MAP3K10: variants seen among roughly 807,000 people sequenced by gnomAD.
The protein encoded by MAP3K10 is mitogen-activated protein kinase kinase kinase 10.
A neutral mutation model predicts 75.0 loss-of-function variants in MAP3K10; 22 were observed. That is an observed-to-expected ratio of 0.29 (90% CI 0.21 to 0.42). MAP3K10 has a LOEUF of 0.42. Among genes scored for constraint, MAP3K10 ranks in the 10% least tolerant of loss-of-function variants. The pLI is 1.00. For synonymous variants in MAP3K10, 599 were observed against 612.9 expected, an observed-to-expected ratio of 0.98 and a Z score of 0.34; for missense variants, 1,165 against 1,379.8, an observed-to-expected ratio of 0.84 and a Z score of 2.47.
In MAP3K10 at chr19:40,198,432, C is replaced by T. The variant is rs1972954306; in HGVS notation, c.740C>T (p.Thr247Met). 6.2e-7 allele frequency: 1 copy of T among 1,614,130 alleles called. No individual in the cohort carries two copies. Among genetic ancestry groups the T allele is most frequent in the Non-Finnish European group, 8.5e-7 (1 of 1,180,028 alleles). The change falls in exon 2 of 10, where the codon ACG becomes ATG. Residue 247 changes from threonine (T) to methionine (M), a missense_variant. By Grantham distance (81) the Thr-to-Met change is moderately conservative (BLOSUM62 -1). Transcript: ENST00000253055. This position sits in a 1 kb window ranked among gnomAD's most constrained non-coding sequence, Gnocchi z 4.3. ...CTCGCAGACACGGTGCTCAAGATCA[C>T]GGACTTCGGCCTCGCCCGCGAGTGG... Reference protein sequence around the residue: ...HNLADTVLKITDFGLAREWHK... With the variant: ...HNLADTVLKIMDFGLAREWHK...
Position 40,204,957 on chromosome 19 carries a change from G to A in MAP3K10, c.1013-164G>A. On this transcript the variant is annotated intron_variant, in intron 3 of 9. Transcript: ENST00000253055. This position sits in a 1 kb window ranked among gnomAD's most constrained non-coding sequence, Gnocchi z 4.3. ...TTCTCTCCCAGCGTTTCACTGAGTG[G>A]AATTGGCCAGGAGCTTGGCTTTGAA... The A allele has an allele frequency of 1.4e-6, 1 of 709,648 alleles. No individual in the cohort carries two copies. Among genetic ancestry groups the A allele is most frequent in the South Asian group, 1.8e-5 (1 of 56,612 alleles). The allele number at this position is 709,648 out of a possible 1,614,324, so 44.0% of individuals were successfully genotyped here. A position where few individuals can be genotyped will look rare whatever the true frequency, so the allele number is the denominator to read the frequency against.
chr19:40,194,727 T>C (rs1270290853), intron 1 of MAP3K10, among the ~76,000 whole-genome samples: 1 of 147,364 alleles, frequency 6.8e-6, no homozygotes, highest in Non-Finnish European at 1.5e-5. Flanking sequence ...CATTCATTCA[T>C]TGGTTCATTC....
chr19:40,215,304 C>G lies in MAP3K10; in HGVS notation c.*12C>G, dbSNP rs761863180. ...ACGGCTCCCACTAAGGCCTGCCCAC[C>G]ACCGCCCGCCTGGGCAGCCATGAAT... On this transcript the variant is annotated 3_prime_UTR_variant, in exon 10 of 10. Transcript: ENST00000253055. The G allele has an allele frequency of 1.0e-5, 16 of 1,533,230 alleles. No homozygotes were observed. In the South Asian group the frequency reaches 1.7e-4, roughly 16 times the overall value. The allele number at this position is 1,533,230 out of a possible 1,614,324, so 95.0% of individuals were successfully genotyped here.
At position 40,205,619 on chromosome 19, in the gene MAP3K10, G is replaced by A; in HGVS notation, c.1189-292G>A. ...GCATAGGTAATTGTTGAAATTGGAT[G>A]ATGGGTACAGGGGGGTGCACTGTTC... On this transcript the variant is annotated intron_variant, in intron 4 of 9. Transcript: ENST00000253055. This position sits in a 1 kb window ranked among gnomAD's most constrained non-coding sequence, Gnocchi z 4.3. 1.9e-6 allele frequency: 1 copy of A among 536,028 alleles called. No homozygotes were observed. Among genetic ancestry groups the A allele is most frequent in the Non-Finnish European group, 3.3e-6 (1 of 303,012 alleles). The allele number at this position is 536,028 out of a possible 1,614,324, so 33.2% of individuals were successfully genotyped here.
At chr19:40,210,006 G>A (rs1165230202) in intron 6 of MAP3K10, among the ~76,000 whole-genome samples, 2 of 152,016 alleles carry the variant, frequency 1.3e-5, no homozygotes, top group Non-Finnish European at 2.9e-5. Context: ...GGTGGCTCAC[G>A]CCTGTAATTC....
rs1454209213 is a variant in MAP3K10 at position 40,191,609 on chromosome 19, C to T, written c.-423C>T. ...GGGGCCCCGCCACCCCCGCCCGGCC[C>T]GGCAGTCGTGGCCCGGGATGCGGAG... On this transcript the variant is annotated 5_prime_UTR_variant, in exon 1 of 10. Coordinates refer to ENST00000253055, the MANE Select transcript of MAP3K10 (RefSeq NM_002446.4). 1.3e-5 allele frequency: 2 copies of T among 148,480 alleles called. No homozygotes were observed. The highest frequency in any genetic ancestry group is 3.0e-5 in the Non-Finnish European group (2 of 66,656). 9.2% of individuals were successfully genotyped at this position (148,480 alleles called of 1,614,324 possible). A position where few individuals can be genotyped will look rare whatever the true frequency, so the allele number is the denominator to read the frequency against.
At chr19:40,194,623 G>A (rs1972874107) in intron 1 of MAP3K10, among the ~76,000 whole-genome samples, 1 of 152,160 alleles carries the variant, frequency 6.6e-6, no homozygotes, top group Non-Finnish European at 1.5e-5. Context: ...CTCCCGGGGT[G>A]ATGGGTCTGC....
rs1599916466 is a variant in MAP3K10, at chr19:40,212,586, C to T, written c.1553-219C>T. 6.6e-6 allele frequency among the ~76,000 whole-genome samples: 1 copy of T among 152,186 alleles called. No individual in the cohort carries two copies. The highest frequency in any genetic ancestry group is 2.1e-4 in the South Asian group (1 of 4,830). On this transcript the variant is annotated intron_variant, in intron 6 of 9. Transcript: ENST00000253055. The surrounding 1 kb of genome is among the most constrained non-coding windows in gnomAD (Gnocchi z 4.2). ...GAGGCTGGAGGAGTTGGCAGGGAACCGCTCATGGCCTTCAGTGCCAGGCGG... is the reference window on the plus strand; with the variant it reads ...GAGGCTGGAGGAGTTGGCAGGGAACTGCTCATGGCCTTCAGTGCCAGGCGG...
chr19:40,211,229 G>C (rs541907782), intron 6 of MAP3K10, among the ~76,000 whole-genome samples: 2 of 152,180 alleles, frequency 1.3e-5, no homozygotes, highest in South Asian at 2.1e-4. Context: ...GTGAATGGGA[G>C]GAGGACATAG....
rs995436299 is a variant in MAP3K10, at chr19:40,191,470, G to T, written c.-562G>T. On this transcript the variant is annotated 5_prime_UTR_variant, in exon 1 of 10. Transcript: ENST00000253055. The stretch of plus-strand genomic sequence containing the variant: ...TGGCCCGGGGAAGCAGCACGGGCGG[G>T]GGGCAGGGGCTGGGGCCGACCGGGA... 6.6e-6 allele frequency among the ~76,000 whole-genome samples: 1 copy of T among 151,444 alleles called. No homozygotes were observed. Among genetic ancestry groups the T allele is most frequent in the African/African-American group, 2.4e-5 (1 of 41,346 alleles).
At position 40,213,604 on chromosome 19, in the gene MAP3K10, C is replaced by T; in HGVS notation, c.1925C>T (p.Ala642Val). 6.3e-7 allele frequency: 1 copy of T among 1,588,964 alleles called. No individual in the cohort carries two copies. The highest frequency in any genetic ancestry group is 8.6e-7 in the Non-Finnish European group (1 of 1,169,250). ...TPSYLSVPLPAEPSPGARAPW... is the reference protein window; with the variant it reads ...TPSYLSVPLPVEPSPGARAPW... Reference sequence around the variant, plus strand: ...TCCTACCTCTCAGTGCCACTGCCTGCCGAGCCCTCCCCGGGGGCGCGGGCG... The same window carrying T: ...TCCTACCTCTCAGTGCCACTGCCTGTCGAGCCCTCCCCGGGGGCGCGGGCG... Residue 642 changes from alanine (A) to valine (V), a missense_variant, in exon 9 of 10, where the codon GCC (alanine) becomes GTC (valine). By Grantham distance (64) the Ala-to-Val change is moderately conservative. Coordinates refer to ENST00000253055, the MANE Select transcript of MAP3K10 (RefSeq NM_002446.4). This position sits in a 1 kb window ranked among gnomAD's most constrained non-coding sequence, Gnocchi z 5.7.
chr19:40,211,548 C>T (rs1973241398), intron 6 of MAP3K10, among the ~76,000 whole-genome samples: 2 of 148,852 alleles, frequency 1.3e-5, no homozygotes, highest in South Asian at 4.3e-4. Flanking sequence ...CCCCAACAGG[C>T]CCCAGTGTCC....
chr19:40,200,846 G>GTTT (rs1973004987), intron 2 of MAP3K10, among the ~76,000 whole-genome samples: 1 of 151,904 alleles, frequency 6.6e-6, no homozygotes, highest in South Asian at 2.1e-4. Flanking sequence ...CTGACCTCAG[G>GTTT]TGATCCGCCC....
intron 5 of MAP3K10, 57 bp from the exon 6 acceptor site, chr19:40,209,046 T>A: frequency 7.8e-7 from 1 of 1,276,584 alleles, no homozygotes; most frequent in South Asian, 1.2e-5. Context: ...AGAAGAAAAT[T>A]CCCTTTGGTA....
chr19:40,208,345 CTTTTTTTTTTT>C (rs747110243), intron 5 of MAP3K10, among the ~76,000 whole-genome samples: 1 of 55,904 alleles, frequency 1.8e-5, no homozygotes, highest in Admixed American at 2.8e-4. Flanking sequence ...CTCTTTCTTT[CTTTTTTTTTTT>C]TTTTTTTTTT....
intron 2 of MAP3K10, among the ~76,000 whole-genome samples, chr19:40,201,494 T>C (rs1003897345): frequency 1.5e-3 from 2 of 1,368 alleles, no homozygotes; most frequent in Non-Finnish European, 4.7e-3. Context: ...CACCCAGCCT[T>C]TTTTTTTTTT....
chr19:40,208,438 C>T lies in MAP3K10; in HGVS notation c.1436-665C>T, dbSNP rs1311550807. 1.5e-4 allele frequency among the ~76,000 whole-genome samples: 22 copies of T among 145,186 alleles called. No individual in the cohort carries two copies. In the East Asian group the frequency reaches 4.3e-3, roughly 29 times the overall value. On this transcript the variant is annotated intron_variant, in intron 5 of 9. Transcript: ENST00000253055. ...GTCTCAATCTCCTGACCTCGTGATCCGCCTGCCTCGGCCTCCCAAAGTGCT... is the reference window on the plus strand; with the variant it reads ...GTCTCAATCTCCTGACCTCGTGATCTGCCTGCCTCGGCCTCCCAAAGTGCT...
rs374647406 is a variant in MAP3K10 at position 40,214,232 on chromosome 19, C to T, written c.2542+11C>T. The T allele has an allele frequency of 4.4e-5, 61 of 1,382,314 alleles. No homozygotes were observed. The East Asian group carries it at 6.0e-4, about 14-fold the overall frequency. The allele number at this position is 1,382,314 out of a possible 1,614,324, so 85.6% of individuals were successfully genotyped here. ...CGGGCCATGGCCCTGGTGAGTGAGG[C>T]GCCCTGCACCCAGGTCACAGAAAAC... On this transcript the variant is annotated intron_variant, in intron 9 of 9. Coordinates refer to ENST00000253055, the MANE Select transcript of MAP3K10 (RefSeq NM_002446.4).
chr19:40,210,925 C>T (rs149227975), intron 6 of MAP3K10, among the ~76,000 whole-genome samples: 1 of 152,332 alleles, frequency 6.6e-6, no homozygotes, highest in African/African-American at 2.4e-5. Context: ...ACTCAGTCCA[C>T]TGATTGAAAT....
Sources: gnomAD v4.1 joint callset for allele counts (sites outside exome capture counted in the v4.1 genomes callset) on GRCh38, gnomAD v4.1.1 for gene constraint, Gnocchi (gnomAD v3.1) non-coding constraint, MANE v1.5 for transcripts, NCBI Gene and HGNC (gene_info 2026-07-23, HGNC 2026-07-21) for gene names.